Variants in BRD9 observed in about 807,000 individuals in gnomAD.
BRD9 encodes bromodomain-containing protein 9.
In BRD9, 47 loss-of-function variants were observed where a neutral mutation model predicts 68.7. The ratio of observed to expected loss-of-function variants is 0.68; its 90% confidence interval spans 0.54 to 0.87. The LOEUF is 0.87. BRD9 is among the 40% of genes least tolerant of loss of function. The pLI, the probability that BRD9 is intolerant of heterozygous loss-of-function variation, is 0.00. For synonymous variants in BRD9, 313 were observed against 293.9 expected (o/e 1.06, Z -0.67); for missense variants, 670 against 748.4 (o/e 0.90, Z 1.22).
At chr5:883,332 C>G (rs1292411799) in intron 8 of BRD9, 1 of 456,666 alleles carries the variant, frequency 2.2e-6, no homozygotes, top group East Asian at 6.9e-5. Flanking sequence ...GAAATGAAAC[C>G]TGCAAGGATT....
In BRD9 at chr5:891,838, G is replaced by A. The variant is rs1290058357; in HGVS notation, c.69C>T (p.Pro23=). 2 of 1,551,386 alleles carry A rather than the reference G, an allele frequency of 1.3e-6. No homozygotes were observed. Among genetic ancestry groups the A allele is most frequent in the South Asian group, 2.4e-5 (2 of 84,056 alleles). Residue 23 remains proline (P), a synonymous_variant, in exon 2 of 16, where the codon CCC becomes CCT. Transcript: ENST00000467963. ...RSSYEDYADK[P]LEKPLKLVLK... ...GGACTAGCTTTAGAGGCTTCTCCAG[G>A]GGCTTGTCGGCATAATCTGCACAGA...
chr5:891,611 C>G, intron 2 of BRD9, 29 bp downstream of exon 2: 1 of 1,547,060 alleles, frequency 6.5e-7, no homozygotes, highest in Non-Finnish European at 8.7e-7. Context: ...TCGTGGGCAG[C>G]GTCCGGGCCA....
At chr5:872,035 GTGGCAGGTGGGCCTGC>G (rs1371891364) in intron 12 of BRD9, among the ~76,000 whole-genome samples, 2 of 152,188 alleles carry the variant, frequency 1.3e-5, no homozygotes, top group African/African-American at 4.8e-5. Flanking sequence ...GGCAGTGCCT[GTGGCAGGTGGGCCTGC>G]CGTGGGCGCA....
intron 7 of BRD9, among the ~76,000 whole-genome samples, chr5:884,535 G>T (rs1752268177): frequency 1.3e-5 from 2 of 152,240 alleles, no homozygotes; most frequent in Non-Finnish European, 2.9e-5. Flanking sequence ...GCCACTGGGT[G>T]GCACAAAGAA....
intron 2 of BRD9, 45 bp from the exon 3 acceptor site, chr5:891,332 G>A: frequency 6.5e-7 from 1 of 1,541,000 alleles, no homozygotes; most frequent in Non-Finnish European, 8.8e-7. Context: ...GAGTAGGCGG[G>A]ATCCGGACAG....
chr5:885,778 C>T (rs940722089), intron 7 of BRD9, among the ~76,000 whole-genome samples: 4 of 152,210 alleles, frequency 2.6e-5, no homozygotes, highest in Admixed American at 2.0e-4. Context: ...CGCTTCTGCC[C>T]GCTGCAGGCT....
chr5:892,223 C>T (rs1399885597), intron 1 of BRD9: 3 of 439,374 alleles, frequency 6.8e-6, no homozygotes, highest in Admixed American at 8.4e-5. Context: ...CCTGCAGGCG[C>T]CCGTGCTGCC....
rs569168641 is a variant in BRD9, at chr5:876,180, T to A, written c.1304A>T (p.Tyr435Phe). 9.3e-6 allele frequency: 15 copies of A among 1,613,856 alleles called. No individual in the cohort carries two copies. In the African/African-American group the frequency reaches 1.9e-4, roughly 20 times the overall value. ...GAGGTCGTCCACCACTTTCTTGCTG[T>A]AGCTCCCAGCATCCTTCACAAACTC... ...LQEFVKDAGSYSKKVVDDLLD... is the reference protein window; with the variant it reads ...LQEFVKDAGSFSKKVVDDLLD... The change falls in exon 12 of 16, where the codon TAC becomes TTC. Residue 435 changes from tyrosine to phenylalanine, a missense_variant. By Grantham distance (22) the Tyr-to-Phe change is conservative. This residue lies in a region of BRD9 where 280 missense variants were observed against 281.5 expected (regional missense o/e 0.99). Transcript: ENST00000467963.
intron 13 of BRD9, 88 bp downstream of exon 13, chr5:871,438 A>C: frequency 8.3e-7 from 1 of 1,203,352 alleles, no homozygotes; most frequent in East Asian, 2.3e-5. Context: ...ACGCCGTCAT[A>C]CACACAGACC....
intron 8 of BRD9, chr5:883,499 A>G (rs1752103789): frequency 2.2e-6 from 1 of 449,828 alleles, no homozygotes; most frequent in African/African-American, 2.0e-5. Flanking sequence ...ACCACCACAA[A>G]GACCATCTGT....
At chr5:892,378 A>C (rs1014394021) in intron 1 of BRD9, 2 of 1,031,486 alleles carry the variant, frequency 1.9e-6, no homozygotes, top group African/African-American at 3.4e-5. Flanking sequence ...GTGGGCTTGC[A>C]GCCTCGAACC....
intron 12 of BRD9, among the ~76,000 whole-genome samples, chr5:871,818 T>C (rs1052777216): frequency 6.6e-6 from 1 of 152,168 alleles, no homozygotes; most frequent in Non-Finnish European, 1.5e-5. Context: ...CAGGGCGAGA[T>C]GGAGCGGACA....
intron 3 of BRD9, 25 bp downstream of exon 3, chr5:891,128 GGA>G (rs1753310185): frequency 7.2e-6 from 11 of 1,536,434 alleles, no homozygotes; most frequent in South Asian, 1.2e-5. Context: ...GTGAACACCA[GGA>G]GAGTCTCTAA....
intron 13 of BRD9, 65 bp from the exon 14 acceptor site, chr5:870,640 C>T (rs1359928706): frequency 8.8e-7 from 1 of 1,132,440 alleles, no homozygotes; most frequent in Non-Finnish European, 1.3e-6. Flanking sequence ...TGTTACTTCA[C>T]ACTCGCTATT....
chr5:864,459 G>T lies in BRD9; in HGVS notation c.*9C>A, dbSNP rs200771795. The T allele has an allele frequency of 6.3e-7, 1 of 1,583,434 alleles. No individual in the cohort carries two copies. The highest frequency in any genetic ancestry group is 1.4e-5 in the African/African-American group (1 of 73,678). On this transcript the variant is annotated 3_prime_UTR_variant, in exon 16 of 16. Transcript: ENST00000467963. ...AAAATAAAATAAAAGAGCTGAAGGTGGTCTAGAGTTAGGTCTTGGCAGAGG... is the reference window on the plus strand; with the variant it reads ...AAAATAAAATAAAAGAGCTGAAGGTTGTCTAGAGTTAGGTCTTGGCAGAGG...
intron 3 of BRD9, chr5:889,999 G>A (rs896827904): frequency 6.2e-5 from 21 of 340,730 alleles, no homozygotes; most frequent in African/African-American, 2.6e-4. Context: ...TGAATTCACC[G>A]ATTATTATTT....
chr5:890,915 T>C (rs1348150527), intron 3 of BRD9, among the ~76,000 whole-genome samples: 1 of 152,170 alleles, frequency 6.6e-6, no homozygotes, highest in African/African-American at 2.4e-5. Context: ...AAGCCATCCT[T>C]AGCTAACAAG....
chr5:883,924 C>A lies in BRD9; in HGVS notation c.966+14G>T, dbSNP rs888505622. Reference sequence around the variant, plus strand: ...GCCACGTGGCACCCTCTCTCGGTGGCCACAGAGCACTACCTTGCCGCCTGG... The same window carrying A: ...GCCACGTGGCACCCTCTCTCGGTGGACACAGAGCACTACCTTGCCGCCTGG... On this transcript the variant is annotated intron_variant, in intron 8 of 15. Transcript: ENST00000467963. The A allele has an allele frequency of 6.2e-7, 1 of 1,607,966 alleles. No homozygotes were observed.
At chr5:883,090 C>G in intron 8 of BRD9, 1 of 358,720 alleles carries the variant, frequency 2.8e-6, no homozygotes, top group Admixed American at 3.8e-5. Flanking sequence ...GACCTCCCAA[C>G]ACGTGAGCCA....
Sources: gnomAD v4.1 joint callset for allele counts (sites outside exome capture counted in the v4.1 genomes callset) on GRCh38, gnomAD v4.1.1 for gene constraint, gnomAD v4.1.1 regional missense constraint, MANE v1.5 for transcripts, NCBI Gene and HGNC (gene_info 2026-07-23, HGNC 2026-07-21) for gene names.